LAMA2: variants seen among roughly 807,000 people sequenced by gnomAD.
LAMA2 encodes laminin subunit alpha 2, also known as laminin subunit alpha-2.
In LAMA2, 269 loss-of-function variants were observed where a neutral mutation model predicts 364.8. The ratio of observed to expected loss-of-function variants is 0.74; its 90% CI spans 0.67 to 0.82. The LOEUF (loss-of-function observed/expected upper bound fraction) is 0.82. LAMA2 is among the 40% of genes least tolerant of loss of function. The pLI, the probability that LAMA2 is intolerant of heterozygous loss-of-function variation, is 0.00. For missense variants in LAMA2, 3,807 were observed against 3,873.2 expected (o/e 0.98, Z 0.45); for synonymous variants, 1,379 against 1,370.6 (o/e 1.01, Z -0.14).
intron 49 of LAMA2, among the ~76,000 whole-genome samples, chr6:129,461,764 A>G (rs934716588): frequency 2.0e-5 from 3 of 151,766 alleles, no homozygotes; most frequent in African/African-American, 7.3e-5. Flanking sequence ...TTATAAGAGT[A>G]TTCCTATGTA....
intron 1 of LAMA2, among the ~76,000 whole-genome samples, chr6:128,928,172 A>G (rs1000379568): frequency 6.6e-6 from 1 of 152,188 alleles, no homozygotes; most frequent in South Asian, 2.1e-4. Context: ...TCAGACTGTT[A>G]TTTGCTGTTA....
intron 9 of LAMA2, among the ~76,000 whole-genome samples, chr6:129,166,541 A>C (rs958915022): frequency 6.6e-6 from 1 of 152,172 alleles, no homozygotes; most frequent in African/African-American, 2.4e-5. Context: ...TGAAATATTA[A>C]AAAACGGATA....
chr6:128,927,258 T>C (rs1413510203), intron 1 of LAMA2, among the ~76,000 whole-genome samples: 3 of 152,180 alleles, frequency 2.0e-5, no homozygotes. Context: ...TTGGAGAATA[T>C]CTCTCTTTCT....
chr6:128,931,412 T>G (rs1779469423), intron 1 of LAMA2, among the ~76,000 whole-genome samples: 1 of 152,196 alleles, frequency 6.6e-6, no homozygotes, highest in African/African-American at 2.4e-5. Context: ...ATGTTGAATA[T>G]CTGAATGAAT....
intron 1 of LAMA2, among the ~76,000 whole-genome samples, chr6:128,898,123 A>G (rs1189115923): frequency 6.6e-6 from 1 of 152,236 alleles, no homozygotes; most frequent in Non-Finnish European, 1.5e-5. Context: ...TCATTCAAAG[A>G]CTTTACAATC....
chr6:128,995,396 A>G (rs1400352209), intron 1 of LAMA2, among the ~76,000 whole-genome samples: 2 of 152,202 alleles, frequency 1.3e-5, no homozygotes, highest in African/African-American at 2.4e-5. Flanking sequence ...ATCTCGGCTC[A>G]CTGCAACCTC....
At chr6:129,259,002 A>G (rs1440857780) in intron 14 of LAMA2, among the ~76,000 whole-genome samples, 1 of 152,128 alleles carries the variant, frequency 6.6e-6, no homozygotes, top group East Asian at 1.9e-4. Flanking sequence ...CCTTGTGTTT[A>G]GAGGGTGCCA....
chr6:129,274,565 A>T (rs1788171798), intron 17 of LAMA2, among the ~76,000 whole-genome samples: 1 of 152,008 alleles, frequency 6.6e-6, no homozygotes, highest in Non-Finnish European at 1.5e-5. Context: ...TTCTTAGATA[A>T]TATTGCTAAA....
intron 48 of LAMA2, among the ~76,000 whole-genome samples, chr6:129,459,550 C>T (rs911436194): frequency 7.9e-5 from 12 of 152,092 alleles, no homozygotes; most frequent in Non-Finnish European, 1.8e-4. Context: ...TCATTTCCTA[C>T]AAAGTTGCTT....
intron 3 of LAMA2, among the ~76,000 whole-genome samples, chr6:129,083,949 G>A (rs1447670044): frequency 1.3e-5 from 2 of 152,142 alleles, no homozygotes; most frequent in Non-Finnish European, 2.9e-5. Context: ...ATTAGATTTT[G>A]AGAGCCAGTG....
At chr6:128,909,828 C>A (rs1211810743) in intron 1 of LAMA2, among the ~76,000 whole-genome samples, 23 of 151,780 alleles carry the variant, frequency 1.5e-4, no homozygotes, top group South Asian at 4.2e-4. Flanking sequence ...TTAGGGCAGG[C>A]CTGGTGGTGA....
At chr6:128,906,911 G>C (rs916957372) in intron 1 of LAMA2, among the ~76,000 whole-genome samples, 2 of 133,600 alleles carry the variant, frequency 1.5e-5, no homozygotes, top group African/African-American at 5.2e-5. Context: ...CCCATTGCTT[G>C]TTTTTCTCAG....
intron 10 of LAMA2, among the ~76,000 whole-genome samples, chr6:129,186,281 A>G (rs778461552): frequency 2.0e-5 from 3 of 151,774 alleles, no homozygotes; most frequent in Non-Finnish European, 3.0e-5. Context: ...AGAATCATAA[A>G]GGAAAATAGA....
chr6:129,066,601 A>T (rs1365504478), intron 3 of LAMA2, among the ~76,000 whole-genome samples: 1 of 71,578 alleles, frequency 1.4e-5, no homozygotes, highest in Non-Finnish European at 2.8e-5. Flanking sequence ...ATTTTATGGA[A>T]CCACAAAAGG....
At chr6:129,104,181 A>G (rs1045177664) in intron 4 of LAMA2, among the ~76,000 whole-genome samples, 1 of 152,082 alleles carries the variant, frequency 6.6e-6, no homozygotes, top group Non-Finnish European at 1.5e-5. Context: ...ATTTTTTTGT[A>G]GAGACAGGGT....
At chr6:129,501,857 G>A (rs1272219411) in intron 58 of LAMA2, among the ~76,000 whole-genome samples, 1 of 152,176 alleles carries the variant, frequency 6.6e-6, no homozygotes, top group Non-Finnish European at 1.5e-5. Context: ...GTGTGTTATG[G>A]TAGCCAAATG....
intron 12 of LAMA2, among the ~76,000 whole-genome samples, chr6:129,232,468 A>G (rs1784723133): frequency 6.6e-6 from 1 of 152,124 alleles, no homozygotes; most frequent in Non-Finnish European, 1.5e-5. Context: ...GCCATCCTAT[A>G]TCTTAGAACA....
At chr6:129,373,314 T>A (rs553346167) in intron 34 of LAMA2, among the ~76,000 whole-genome samples, 1 of 152,198 alleles carries the variant, frequency 6.6e-6, no homozygotes, top group Admixed American at 6.5e-5. Flanking sequence ...TCCAATACTA[T>A]TTTAAAATAA....
chr6:129,255,849 A>C (rs1299001322), intron 14 of LAMA2, among the ~76,000 whole-genome samples: 1 of 152,180 alleles, frequency 6.6e-6, no homozygotes, highest in Non-Finnish European at 1.5e-5. Context: ...AAGACATTTT[A>C]CTGATAACAC....
Sources: gnomAD v4.1 joint callset for allele counts (sites outside exome capture counted in the v4.1 genomes callset) on GRCh38, gnomAD v4.1.1 for gene constraint, MANE v1.5 for transcripts, NCBI Gene and HGNC (gene_info 2026-07-23, HGNC 2026-07-21) for gene names.